Variants in RABGEF1 observed in about 807,000 individuals in gnomAD.
RABGEF1 encodes rab5 GDP/GTP exchange factor.
Under a neutral mutation model 57.3 loss-of-function variants are expected in RABGEF1, and 26 were observed. The ratio of observed to expected loss-of-function variants is 0.45; its 90% CI spans 0.33 to 0.63. The LOEUF is 0.63. Ranked by LOEUF, RABGEF1 falls within the 20% of genes least tolerant of loss-of-function variation. The probability of loss-of-function intolerance (pLI) is 0.02; values close to 1 mark genes in which losing one functional copy is unlikely to be tolerated. For missense variants in RABGEF1, 464 were observed against 607.6 expected (o/e 0.76, Z 2.48); for synonymous variants, 185 against 210.7 (o/e 0.88, Z 1.06).
chr7:66,802,362 G>C (rs1787485759), intron 7 of RABGEF1, among the ~76,000 whole-genome samples: 1 of 152,196 alleles, frequency 6.6e-6, no homozygotes, highest in South Asian at 2.1e-4. Context: ...TGACCTGGAG[G>C]TACAGCCTTT....
At chr7:66,788,965 A>T (rs77107403) in intron 4 of RABGEF1, among the ~76,000 whole-genome samples, 7,684 of 152,186 alleles carry the variant, frequency 0.05, 237 homozygotes, top group East Asian at 0.086. Context: ...TCTCAAAAAA[A>T]AATAATAATA....
intron 8 of RABGEF1, among the ~76,000 whole-genome samples, chr7:66,807,215 T>C (rs1056772908): frequency 7.2e-5 from 11 of 152,242 alleles, no homozygotes; most frequent in Admixed American, 5.2e-4. Flanking sequence ...CCTTCTCTCT[T>C]TGTCCTCTTC....
intron 3 of RABGEF1, among the ~76,000 whole-genome samples, chr7:66,778,356 T>G (rs558118623): frequency 7.9e-5 from 12 of 152,338 alleles, no homozygotes; most frequent in African/African-American, 2.9e-4. Context: ...TGGATACGCC[T>G]TCAGAGAAAG....
chr7:66,735,645 T>C (rs1562752961), intron 2 of RABGEF1, among the ~76,000 whole-genome samples: 2 of 152,174 alleles, frequency 1.3e-5, no homozygotes, highest in African/African-American at 2.4e-5. Flanking sequence ...GAGTGAGTTA[T>C]TGTGAGATCT....
intron 3 of RABGEF1, among the ~76,000 whole-genome samples, chr7:66,780,043 G>GT (rs562496608): frequency 8.7e-4 from 132 of 151,994 alleles, no homozygotes; most frequent in African/African-American, 2.8e-3. Context: ...TTTTAAAAGG[G>GT]TTTTTTTTGT....
intron 1 of RABGEF1, among the ~76,000 whole-genome samples, chr7:66,711,399 G>A (rs1794754122): frequency 6.8e-6 from 1 of 147,286 alleles, no homozygotes; most frequent in African/African-American, 2.5e-5. Context: ...AGATCTTTTT[G>A]TGCTAATTTT....
intron 1 of RABGEF1, among the ~76,000 whole-genome samples, chr7:66,745,697 A>C (rs1383508569): frequency 6.7e-6 from 1 of 150,276 alleles, no homozygotes; most frequent in Non-Finnish European, 1.5e-5. Context: ...TGATCCCGGG[A>C]GGCGGAAATT....
At chr7:66,790,853 A>G (rs1385065203) in intron 4 of RABGEF1, among the ~76,000 whole-genome samples, 1 of 152,242 alleles carries the variant, frequency 6.6e-6, no homozygotes, top group African/African-American at 2.4e-5. Context: ...ATAGGACACT[A>G]CAGGTCTTCT....
intron 8 of RABGEF1, 102 bp from the exon 9 acceptor site, chr7:66,808,784 T>C (rs956666994): frequency 4.0e-6 from 5 of 1,234,928 alleles, no homozygotes; most frequent in Admixed American, 5.0e-5. Flanking sequence ...TTGTTTACTT[T>C]AGCTTCTGTT....
At chr7:66,780,000 A>G (rs1584037532) in intron 3 of RABGEF1, among the ~76,000 whole-genome samples, 1 of 152,224 alleles carries the variant, frequency 6.6e-6, no homozygotes, top group East Asian at 1.9e-4. Flanking sequence ...TTGTATGATC[A>G]TAACTAGCTA....
At chr7:66,752,247 G>A (rs962708032) in intron 1 of RABGEF1, among the ~76,000 whole-genome samples, 3 of 151,846 alleles carry the variant, frequency 2.0e-5, no homozygotes, top group African/African-American at 7.3e-5. Context: ...TAATCTCAGC[G>A]CTTTGGGAGT....
At position 66,720,187 on chromosome 7, in the gene RABGEF1, TATTA is replaced by T. The variant is rs1246869314; in HGVS notation, c.-815+7964_-815+7967del. On this transcript the variant is annotated intron_variant and NMD_transcript_variant, in intron 2 of 9. Coordinates refer to the RABGEF1 transcript ENST00000607882. ...ATCCATTCATTATTATTATTATTAT[TATTA>T]TTATTTTTTTTTTTTTTTCTTTGAG... Among the ~76,000 whole-genome samples the T allele has an allele frequency of 9.4e-5, 11 of 116,666 alleles. No individual in the cohort carries two copies. The South Asian group carries it at 1.8e-3, about 19-fold the overall frequency. The allele number at this position is 116,666 out of a possible 152,430, so 76.5% of individuals were successfully genotyped here.
At chr7:66,790,072 C>G (rs141125871) in intron 4 of RABGEF1, among the ~76,000 whole-genome samples, 1 of 152,208 alleles carries the variant, frequency 6.6e-6, no homozygotes, top group East Asian at 1.9e-4. Flanking sequence ...TGAGGACTTG[C>G]AGCAGATCAG....
Position 66,809,424 on chromosome 7 carries a change from T to C in RABGEF1, c.*140T>C. On this transcript the variant is annotated 3_prime_UTR_variant, in exon 9 of 9. Transcript: ENST00000284957. ...AAAGGTACAGTATATGGGGATTGTT[T>C]CGTTTTTCCTAGCAGGGGAACCTTA... 1.1e-6 allele frequency: 1 copy of C among 888,290 alleles called. No individual in the cohort carries two copies. The highest frequency in any genetic ancestry group is 1.6e-6 in the Non-Finnish European group (1 of 624,860). The allele number at this position is 888,290 out of a possible 1,614,324, so 55.0% of individuals were successfully genotyped here.
intron 1 of RABGEF1, among the ~76,000 whole-genome samples, chr7:66,741,727 TCA>T (rs1457189805): frequency 6.6e-6 from 1 of 152,222 alleles, no homozygotes; most frequent in Non-Finnish European, 1.5e-5. Flanking sequence ...ACATGGGATC[TCA>T]CAGTGTTGCC....
chr7:66,791,593 T>C (rs994297687), intron 4 of RABGEF1, among the ~76,000 whole-genome samples: 3 of 152,164 alleles, frequency 2.0e-5, no homozygotes, highest in African/African-American at 7.2e-5. Flanking sequence ...GCAATTCACA[T>C]TGAAATGATG....
intron 1 of RABGEF1, among the ~76,000 whole-genome samples, chr7:66,705,649 C>A (rs1326405760): frequency 6.6e-6 from 1 of 151,782 alleles, no homozygotes; most frequent in Non-Finnish European, 1.5e-5. Flanking sequence ...ATTATATCTA[C>A]CTTTTTTATG....
intron 2 of RABGEF1, among the ~76,000 whole-genome samples, chr7:66,713,068 G>T (rs1401238231): frequency 6.6e-6 from 1 of 151,752 alleles, no homozygotes; most frequent in South Asian, 2.1e-4. Flanking sequence ...TCCTGCCTCA[G>T]CTTCCCAAAG....
At chr7:66,679,865 A>T (rs1789573469), upstream of RABGEF1, among the ~76,000 whole-genome samples, 1 of 152,150 alleles carries the variant, frequency 6.6e-6, no homozygotes, top group African/African-American at 2.4e-5. Context: ...CCTTGTCTCT[A>T]CAAAAAAAAC....
Sources: allele counts gnomAD v4.1 joint callset (sites outside exome capture counted in the v4.1 genomes callset), GRCh38; gene constraint gnomAD v4.1.1; transcripts MANE v1.5; gene names NCBI Gene and HGNC (gene_info 2026-07-23, HGNC 2026-07-21).